The following SLCO5A1 variants were observed in gnomAD, a reference collection of about 807,000 sequenced individuals.
SLCO5A1 encodes organic anion transporter polypeptide-related protein 4.
A neutral mutation model predicts 65.1 loss-of-function variants in SLCO5A1; 39 were observed. The ratio of observed to expected loss-of-function variants is 0.60; its 90% CI spans 0.46 to 0.78. The LOEUF (loss-of-function observed/expected upper bound fraction) is 0.78, where lower values mean the gene tolerates loss of function less well. Among genes scored for constraint, SLCO5A1 ranks in the 30% least tolerant of loss-of-function variants. SLCO5A1 has a pLI of 0.00. For synonymous variants in SLCO5A1, 438 were observed against 415.7 expected (o/e 1.05, Z -0.65); for missense variants, 1,029 against 1,069.4 (o/e 0.96, Z 0.53).
Position 69,783,126 on chromosome 8 carries a change from T to A in SLCO5A1, c.908-21251A>T, listed in dbSNP as rs531366624. Among the ~76,000 whole-genome samples, 28 of 152,268 alleles carry A rather than the reference T, an allele frequency of 1.8e-4. No individual in the cohort carries two copies. In the East Asian group the frequency reaches 4.6e-3, roughly 25 times the overall value. On this transcript the variant is annotated intron_variant, in intron 2 of 9. Coordinates refer to ENST00000260126, the MANE Select transcript of SLCO5A1 (RefSeq NM_030958.3). ...TCAGCTATAACAATGATCATTATTG[T>A]TACTTCTATTATTATATATAACTTT...
At chr8:69,704,298 T>C (rs1287667866) in intron 6 of SLCO5A1, among the ~76,000 whole-genome samples, 1 of 152,178 alleles carries the variant, frequency 6.6e-6, no homozygotes, top group Non-Finnish European at 1.5e-5. Context: ...CTCAGGATGA[T>C]AACAGCACCT....
chr8:69,810,516 TATC>T (rs1212394995), intron 2 of SLCO5A1, among the ~76,000 whole-genome samples: 1 of 152,242 alleles, frequency 6.6e-6, no homozygotes, highest in East Asian at 1.9e-4. Flanking sequence ...AAGTATGTGA[TATC>T]ATGGCGTGAG....
intron 2 of SLCO5A1, among the ~76,000 whole-genome samples, chr8:69,770,498 G>A (rs937865253): frequency 1.3e-5 from 2 of 151,830 alleles, no homozygotes; most frequent in Admixed American, 6.6e-5. Context: ...TAAAGATTGC[G>A]ACACCCACCC....
intron 6 of SLCO5A1, among the ~76,000 whole-genome samples, chr8:69,688,850 C>A (rs1814114435): frequency 6.6e-6 from 1 of 152,152 alleles, no homozygotes; most frequent in Admixed American, 6.5e-5. Context: ...TGGGTATATA[C>A]CCAGTAATGG....
intron 4 of SLCO5A1, among the ~76,000 whole-genome samples, chr8:69,741,567 A>C (rs1208402974): frequency 6.6e-6 from 1 of 152,178 alleles, no homozygotes; most frequent in East Asian, 1.9e-4. Context: ...CTCATTGATT[A>C]ATAATACATT....
At chr8:69,767,889 C>CAAAAAAAAAAAA (rs746004982) in intron 2 of SLCO5A1, among the ~76,000 whole-genome samples, 16 of 34,972 alleles carry the variant, frequency 4.6e-4, no homozygotes, top group East Asian at 6.8e-4. Flanking sequence ...GACTCCATCT[C>CAAAAAAAAAAAA]AAAAAAAAAA....
chr8:69,813,611 C>T (rs2130913428), intron 2 of SLCO5A1, among the ~76,000 whole-genome samples: 1 of 152,260 alleles, frequency 6.6e-6, no homozygotes, highest in South Asian at 2.1e-4. Context: ...GACAGCTGTC[C>T]TACGACATCT....
intron 5 of SLCO5A1, among the ~76,000 whole-genome samples, chr8:69,716,103 A>G (rs1282350002): frequency 6.6e-6 from 1 of 152,098 alleles, no homozygotes; most frequent in Non-Finnish European, 1.5e-5. Flanking sequence ...GGCTTCTGTC[A>G]CTTAGTATGT....
At chr8:69,701,792 G>T (rs1366774815) in intron 6 of SLCO5A1, among the ~76,000 whole-genome samples, 1 of 152,200 alleles carries the variant, frequency 6.6e-6, no homozygotes, top group African/African-American at 2.4e-5. Context: ...CCTCCTGAGG[G>T]CTGTGTCCCA....
intron 5 of SLCO5A1, among the ~76,000 whole-genome samples, chr8:69,730,524 C>T (rs1399433383): frequency 7.2e-5 from 11 of 152,156 alleles, no homozygotes; most frequent in Admixed American, 5.9e-4. Flanking sequence ...TTATGTACTG[C>T]GAAAGCCCTG....
chr8:69,787,424 C>G (rs986257685), intron 2 of SLCO5A1, among the ~76,000 whole-genome samples: 4 of 152,176 alleles, frequency 2.6e-5, no homozygotes. Context: ...GGTAATGAAT[C>G]AAGGTTGCCC....
intron 2 of SLCO5A1, among the ~76,000 whole-genome samples, chr8:69,827,761 C>T (rs1741988531): frequency 6.6e-6 from 1 of 152,204 alleles, no homozygotes. Context: ...GGTCTCACAT[C>T]ATAATTGGTC....
intron 5 of SLCO5A1, among the ~76,000 whole-genome samples, chr8:69,728,970 C>T (rs755596067): frequency 2.6e-5 from 4 of 151,986 alleles, no homozygotes; most frequent in Non-Finnish European, 4.4e-5. Context: ...GTCAAAGAAA[C>T]CAAGATTCCT....
intron 3 of SLCO5A1, among the ~76,000 whole-genome samples, chr8:69,760,193 A>G (rs542564178): frequency 6.6e-6 from 1 of 152,326 alleles, no homozygotes; most frequent in South Asian, 2.1e-4. Flanking sequence ...TCTGACAATG[A>G]AAAACATCTC....
intron 2 of SLCO5A1, among the ~76,000 whole-genome samples, chr8:69,822,717 C>CA (rs1444929598): frequency 6.6e-6 from 1 of 152,168 alleles, no homozygotes; most frequent in African/African-American, 2.4e-5. Context: ...ACCTGGTCTT[C>CA]AAAATGTTAC....
intron 2 of SLCO5A1, among the ~76,000 whole-genome samples, chr8:69,830,293 C>T (rs1019671967): frequency 1.3e-5 from 2 of 152,124 alleles, no homozygotes; most frequent in Non-Finnish European, 2.9e-5. Flanking sequence ...TTACTATTCC[C>T]AAATCAAGAA....
In SLCO5A1 at chr8:69,832,122, G is replaced by C. The variant is rs778613487; in HGVS notation, c.552C>G (p.Phe184Leu). ...GACCCCGGCCGCCGAAGTAGCTGAC[G>C]AACACCACCACCACCAGGTTCCCGA... ...FDIGNLVVVV[F>L]VSYFGGRGRR... Residue 184 changes from phenylalanine (F) to leucine (L), a missense_variant, in exon 2 of 10, where the codon TTC (phenylalanine) becomes TTG (leucine). Transcript: ENST00000260126. This position sits in a 1 kb window ranked among gnomAD's most constrained non-coding sequence, Gnocchi z 4.5. 39 of 1,613,976 alleles carry C rather than the reference G, an allele frequency of 2.4e-5. No homozygotes were observed. The East Asian group carries it at 8.2e-4, about 34-fold the overall frequency.
intron 2 of SLCO5A1, among the ~76,000 whole-genome samples, chr8:69,786,648 GCA>G (rs1015002134): frequency 2.0e-5 from 3 of 151,790 alleles, no homozygotes; most frequent in African/African-American, 7.3e-5. Context: ...GCAAATGTGG[GCA>G]CACACACACA....
chr8:69,713,339 C>T (rs17729279), intron 5 of SLCO5A1: 82,739 of 152,138 alleles, frequency 0.54, 24,185 homozygotes, highest in African/African-American at 0.77. Flanking sequence ...TGTAAGCCAT[C>T]ATGACATGTG....
Sources: allele counts gnomAD v4.1 joint callset (sites outside exome capture counted in the v4.1 genomes callset), GRCh38; gene constraint gnomAD v4.1.1; non-coding constraint Gnocchi (gnomAD v3.1); transcripts MANE v1.5; gene names NCBI Gene and HGNC (gene_info 2026-07-23, HGNC 2026-07-21).